Variants in NRXN1 observed in about 807,000 individuals in gnomAD.
NRXN1 encodes neurexin 1, also known as neurexin-1.
A neutral mutation model predicts 150.9 loss-of-function variants in NRXN1; 39 were observed. The observed-to-expected ratio is 0.26, with a 90% CI of 0.20 to 0.34. The LOEUF is 0.34. NRXN1 is among the 10% of genes least tolerant of loss of function. The pLI is 1.00. For missense variants in NRXN1, 1,815 were observed against 1,949.9 expected (o/e 0.93, Z 1.30); for synonymous variants, 924 against 757.0 (o/e 1.22, Z -3.62).
intron 2 of NRXN1, among the ~76,000 whole-genome samples, chr2:50,979,692 C>G (rs2104868829): frequency 6.6e-6 from 1 of 152,134 alleles, no homozygotes; most frequent in Middle Eastern, 3.4e-3. Context: ...CTGTAAAACC[C>G]CATGGATTCT....
chr2:49,966,173 T>C (rs1160998483), intron 21 of NRXN1, among the ~76,000 whole-genome samples: 1 of 152,226 alleles, frequency 6.6e-6, no homozygotes, highest in East Asian at 1.9e-4. Context: ...ACGAGCAGTA[T>C]AGGCCCCCAT....
chr2:50,666,556 T>A (rs1484538074), intron 5 of NRXN1, among the ~76,000 whole-genome samples: 1 of 151,924 alleles, frequency 6.6e-6, no homozygotes, highest in Non-Finnish European at 1.5e-5. Context: ...ATGAATGGTA[T>A]GTGAGAGTTT....
intron 2 of NRXN1, among the ~76,000 whole-genome samples, chr2:50,978,352 T>C (rs573522464): frequency 1.4e-5 from 2 of 143,926 alleles, no homozygotes; most frequent in Admixed American, 1.4e-4. Flanking sequence ...GGAATTATAA[T>C]TTTCCATAGT....
intron 21 of NRXN1, among the ~76,000 whole-genome samples, chr2:50,050,910 C>T (rs1452232505): frequency 6.6e-6 from 1 of 151,952 alleles, no homozygotes; most frequent in Non-Finnish European, 1.5e-5. Context: ...ATACTTGTAA[C>T]ATATTAAGTC....
At chr2:50,535,567 A>G (rs2093234885) in intron 10 of NRXN1, among the ~76,000 whole-genome samples, 1 of 152,238 alleles carries the variant, frequency 6.6e-6, no homozygotes, top group African/African-American at 2.4e-5. Flanking sequence ...CTTACATATA[A>G]CAGAATAATT....
chr2:50,318,030 T>A (rs2152970753), intron 17 of NRXN1, among the ~76,000 whole-genome samples: 1 of 151,982 alleles, frequency 6.6e-6, no homozygotes, highest in African/African-American at 2.4e-5. Context: ...TTCACCAAAA[T>A]ATACCATAAA....
At chr2:50,039,671 C>A (rs530960071) in intron 21 of NRXN1, among the ~76,000 whole-genome samples, 1 of 152,152 alleles carries the variant, frequency 6.6e-6, no homozygotes, top group South Asian at 2.1e-4. Context: ...ATCGAGATCC[C>A]TTTGGAGGTA....
intron 19 of NRXN1, among the ~76,000 whole-genome samples, chr2:50,084,217 C>G (rs1698428673): frequency 1.3e-5 from 2 of 152,240 alleles, no homozygotes; most frequent in Admixed American, 1.3e-4. Flanking sequence ...AGCTGCCTGC[C>G]AGTCCGGCGC....
At chr2:50,561,069 A>G (rs1486695089) in intron 8 of NRXN1, among the ~76,000 whole-genome samples, 1 of 152,200 alleles carries the variant, frequency 6.6e-6, no homozygotes, top group Non-Finnish European at 1.5e-5. Flanking sequence ...ACAACCAAAT[A>G]TATCCCATTA....
chr2:50,530,056 C>T (rs1031925772), intron 11 of NRXN1, among the ~76,000 whole-genome samples: 2 of 152,040 alleles, frequency 1.3e-5, no homozygotes, highest in African/African-American at 4.8e-5. Flanking sequence ...TGGGGTAAAT[C>T]TATGTAGTTT....
intron 19 of NRXN1, among the ~76,000 whole-genome samples, chr2:50,088,475 C>T (rs1699102390): frequency 6.6e-6 from 1 of 152,062 alleles, no homozygotes; most frequent in Non-Finnish European, 1.5e-5. Flanking sequence ...TGTGTTTTAC[C>T]TTGCGTATAT....
At chr2:50,019,928 A>G (rs1436917078) in intron 21 of NRXN1, among the ~76,000 whole-genome samples, 1 of 131,752 alleles carries the variant, frequency 7.6e-6, no homozygotes, top group African/African-American at 2.9e-5. Context: ...GGCCTGGGTG[A>G]CAAAGCAAGA....
At chr2:50,797,014 C>T (rs1201824757) in intron 5 of NRXN1, among the ~76,000 whole-genome samples, 3 of 152,118 alleles carry the variant, frequency 2.0e-5, no homozygotes, top group Non-Finnish European at 4.4e-5. Context: ...AAGGGCAAGA[C>T]AGCTCCCTTC....
intron 5 of NRXN1, among the ~76,000 whole-genome samples, chr2:50,706,398 C>A (rs1483895658): frequency 6.6e-6 from 1 of 152,040 alleles, no homozygotes; most frequent in Non-Finnish European, 1.5e-5. Context: ...TTAGCAAATA[C>A]TTCTGTTAAT....
intron 17 of NRXN1, among the ~76,000 whole-genome samples, chr2:50,329,169 A>T (rs1183972678): frequency 6.6e-6 from 1 of 152,198 alleles, no homozygotes; most frequent in Non-Finnish European, 1.5e-5. Context: ...ATATATAAAA[A>T]TACTAAAAAG....
intron 5 of NRXN1, among the ~76,000 whole-genome samples, chr2:50,914,010 C>T (rs972493612): frequency 2.0e-5 from 3 of 151,696 alleles, no homozygotes; most frequent in Admixed American, 6.6e-5. Flanking sequence ...CCCTTTAGCT[C>T]TCACTCTCTT....
At chr2:50,392,880 A>C (rs2081820610) in intron 17 of NRXN1, among the ~76,000 whole-genome samples, 1 of 152,110 alleles carries the variant, frequency 6.6e-6, no homozygotes, top group Non-Finnish European at 1.5e-5. Context: ...GCTACCAGGG[A>C]GGGTAAGGCA....
intron 21 of NRXN1, among the ~76,000 whole-genome samples, chr2:49,988,078 G>T (rs1166057916): frequency 6.6e-6 from 1 of 151,998 alleles, no homozygotes; most frequent in African/African-American, 2.4e-5. Flanking sequence ...TAGTAACTTG[G>T]AAATGAAACA....
At chr2:50,212,300 A>AAT (rs1491416748) in intron 18 of NRXN1, among the ~76,000 whole-genome samples, 4 of 67,450 alleles carry the variant, frequency 5.9e-5, no homozygotes, top group Non-Finnish European at 1.3e-4. Flanking sequence ...TTGAATTTGC[A>AAT]AAAAAAAAAA....
Sources: allele counts gnomAD v4.1 joint callset (sites outside exome capture counted in the v4.1 genomes callset), GRCh38; gene constraint gnomAD v4.1.1; transcripts MANE v1.5; gene names NCBI Gene and HGNC (gene_info 2026-07-23, HGNC 2026-07-21).